Variants in RPTOR observed in about 807,000 individuals in gnomAD.
RPTOR encodes regulatory-associated protein of mTOR.
A neutral mutation model predicts 169.9 loss-of-function variants in RPTOR; 21 were observed. That is an observed-to-expected ratio of 0.12 (90% CI 0.09 to 0.18). The LOEUF (loss-of-function observed/expected upper bound fraction) is 0.18. RPTOR is among the 10% of genes least tolerant of loss of function. The pLI is 1.00. For synonymous variants in RPTOR, 732 were observed against 753.2 expected, an observed-to-expected ratio of 0.97 and a Z score of 0.46; for missense variants, 1,133 against 1,855.9, an observed-to-expected ratio of 0.61 and a Z score of 7.16.
chr17:80,773,807 CT>C, intron 6 of RPTOR: 1 of 985,276 alleles, frequency 1.0e-6, no homozygotes, highest in Non-Finnish European at 1.2e-6. Flanking sequence ...GCAAACTGTT[CT>C]TTCTGGAAGA....
At chr17:80,908,691 C>G in intron 20 of RPTOR, 120 bp from the exon 21 acceptor site, 1 of 709,726 alleles carries the variant, frequency 1.4e-6, no homozygotes, top group Non-Finnish European at 2.5e-6. Flanking sequence ...CTTCCTGTAA[C>G]CTCGGCTCTT....
chr17:80,863,385 C>G (rs539971029), intron 13 of RPTOR, among the ~76,000 whole-genome samples: 1 of 152,048 alleles, frequency 6.6e-6, no homozygotes. Flanking sequence ...AAATATGACC[C>G]GTAATGAAGA....
intron 21 of RPTOR, among the ~76,000 whole-genome samples, chr17:80,919,182 T>TA (rs1401862556): frequency 6.6e-6 from 1 of 152,220 alleles, no homozygotes; most frequent in African/African-American, 2.4e-5. Flanking sequence ...ACCTAGGACT[T>TA]ACTTTTCCAA....
intron 1 of RPTOR, among the ~76,000 whole-genome samples, chr17:80,563,706 A>G (rs2084533121): frequency 6.6e-6 from 1 of 152,096 alleles, no homozygotes; most frequent in South Asian, 2.1e-4. Flanking sequence ...GTCCCTAAGC[A>G]ACTATGTTGC....
intron 20 of RPTOR, among the ~76,000 whole-genome samples, chr17:80,899,411 T>A (rs60717259): frequency 0.012 from 1,801 of 152,282 alleles, 45 homozygotes; most frequent in African/African-American, 0.041. Context: ...TATTTAAAAA[T>A]TTTTTTTTAA....
intron 7 of RPTOR, among the ~76,000 whole-genome samples, chr17:80,821,338 G>A (rs905723571): frequency 2.0e-5 from 3 of 152,178 alleles, no homozygotes; most frequent in Non-Finnish European, 4.4e-5. Flanking sequence ...TGATGAAGAC[G>A]GTGCCATCAG....
chr17:80,930,244 GCTCAGC>G, intron 24 of RPTOR, among the ~76,000 whole-genome samples: 1 of 20,598 alleles, frequency 4.9e-5, no homozygotes, highest in Non-Finnish European at 1.0e-4. Flanking sequence ...CTCATCCTCA[GCTCAGC>G]TCATCCCCAG....
intron 3 of RPTOR, among the ~76,000 whole-genome samples, chr17:80,654,294 G>A (rs893215856): frequency 6.6e-6 from 1 of 152,272 alleles, no homozygotes; most frequent in African/African-American, 2.4e-5. Context: ...CACAACAGAG[G>A]AGCCATGGAG....
chr17:80,784,689 G>A (rs559189484), intron 6 of RPTOR, among the ~76,000 whole-genome samples: 2 of 144,144 alleles, frequency 1.4e-5, no homozygotes, highest in African/African-American at 2.6e-5. Context: ...CACTGTGCCC[G>A]GCCTATTTTA....
intron 1 of RPTOR, among the ~76,000 whole-genome samples, chr17:80,596,877 AG>A (rs1255998437): frequency 6.6e-6 from 1 of 152,144 alleles, no homozygotes; most frequent in African/African-American, 2.4e-5. Context: ...CTCTTAAAAG[AG>A]GATTTAGATC....
rs931547740 is a variant in RPTOR at position 80,646,033 on chromosome 17, A to C, written c.348+2223A>C. Reference sequence around the variant, plus strand: ...TGTTAAGATTACAGGATGCTTCGGAAAAGGTACCAGCGCAGGCGGGATCCC... The same window carrying C: ...TGTTAAGATTACAGGATGCTTCGGACAAGGTACCAGCGCAGGCGGGATCCC... On this transcript the variant is annotated intron_variant, in intron 3 of 33. Transcript: ENST00000306801. This position sits in a 1 kb window ranked among gnomAD's most constrained non-coding sequence, Gnocchi z 5.0. Among the ~76,000 whole-genome samples the C allele has an allele frequency of 6.6e-6, 1 of 152,178 alleles. No individual in the cohort carries two copies. Among genetic ancestry groups the C allele is most frequent in the African/African-American group, 2.4e-5 (1 of 41,434 alleles).
At position 80,812,235 on chromosome 17, in the gene RPTOR, T is replaced by G. The variant is rs1416161654; in HGVS notation, c.891-9966T>G. On this transcript the variant is annotated intron_variant, in intron 7 of 33. Coordinates refer to ENST00000306801, the MANE Select transcript of RPTOR (RefSeq NM_020761.3). Reference sequence around the variant, plus strand: ...CCTTATACATATTAAGTAAGATGATTGTCAAGTCTGTGCCTGGCGGCTCCA... The same window carrying G: ...CCTTATACATATTAAGTAAGATGATGGTCAAGTCTGTGCCTGGCGGCTCCA... 2.0e-5 allele frequency among the ~76,000 whole-genome samples: 3 copies of G among 152,262 alleles called. No individual in the cohort carries two copies. In the East Asian group the frequency reaches 5.8e-4, roughly 29 times the overall value.
In RPTOR at chr17:80,823,418, A is replaced by G. The variant is rs1176655502; in HGVS notation, c.1136+195A>G. ...GGAGTGGGGGTCTCCTTCAGAGGGC[A>G]GAAGCCTTGGAGGGCCTTTTAGGAC... On this transcript the variant is annotated intron_variant, in intron 9 of 33. Coordinates refer to ENST00000306801, the MANE Select transcript of RPTOR (RefSeq NM_020761.3). This position sits in a 1 kb window ranked among gnomAD's most constrained non-coding sequence, Gnocchi z 4.5. 1 of 679,660 alleles carries G rather than the reference A, an allele frequency of 1.5e-6. No homozygotes were observed. Among genetic ancestry groups the G allele is most frequent in the South Asian group, 2.3e-5 (1 of 44,432 alleles). The allele number at this position is 679,660 out of a possible 1,614,324, so 42.1% of individuals were successfully genotyped here.
intron 11 of RPTOR, among the ~76,000 whole-genome samples, chr17:80,846,782 G>T (rs918480878): frequency 1.3e-5 from 2 of 152,232 alleles, no homozygotes; most frequent in South Asian, 2.1e-4. Context: ...TGGGCTGATC[G>T]CACATTCATT....
chr17:80,860,323 A>G lies in RPTOR; in HGVS notation c.1509+2423A>G, dbSNP rs2067903898. On this transcript the variant is annotated intron_variant, in intron 13 of 33. Transcript: ENST00000306801. The surrounding 1 kb of genome is among the most constrained non-coding windows in gnomAD (Gnocchi z 5.8). ...TGTCCAGGCACTGGCAGGCACCCCG[A>G]GCCACAGGCTCGTACCCCGCACTGT... 6.6e-6 allele frequency among the ~76,000 whole-genome samples: 1 copy of G among 152,202 alleles called. No homozygotes were observed. Among genetic ancestry groups the G allele is most frequent in the South Asian group, 2.1e-4 (1 of 4,838 alleles).
chr17:80,785,280 A>G (rs1476777756), intron 6 of RPTOR, among the ~76,000 whole-genome samples: 2 of 152,230 alleles, frequency 1.3e-5, no homozygotes, highest in Non-Finnish European at 2.9e-5. Context: ...GCTAAAAATG[A>G]GCAGGGATAT....
At position 80,730,764 on chromosome 17, in the gene RPTOR, T is replaced by TGGGGGGGGGG; in HGVS notation, c.654+62_654+63insGGGGGGGGGG. Reference sequence around the variant, plus strand: ...GGTTTGGTTTTGTTTTCCCTGGGGGTGGGGTTTGGGTGGGGAGGTTGGGAG... The same window carrying TGGGGGGGGGG: ...GGTTTGGTTTTGTTTTCCCTGGGGGTGGGGGGGGGGGGGGTTTGGGTGGGGAGGTTGGGAG... On this transcript the variant is annotated intron_variant, in intron 5 of 33. Coordinates refer to ENST00000306801, the MANE Select transcript of RPTOR (RefSeq NM_020761.3). This position sits in a 1 kb window ranked among gnomAD's most constrained non-coding sequence, Gnocchi z 4.2. 1 of 453,324 alleles carries TGGGGGGGGGG rather than the reference T, an allele frequency of 2.2e-6. No homozygotes were observed. The highest frequency in any genetic ancestry group is 4.1e-6 in the Non-Finnish European group (1 of 242,124). 28.1% of individuals were successfully genotyped at this position (453,324 alleles called of 1,614,324 possible).
intron 13 of RPTOR, among the ~76,000 whole-genome samples, chr17:80,864,498 G>A (rs895985387): frequency 1.4e-4 from 21 of 147,452 alleles, no homozygotes; most frequent in Admixed American, 4.3e-4. Flanking sequence ...AGCAGAGAGA[G>A]AGACAGAGAA....
chr17:80,619,298 T>C (rs1326286191), intron 1 of RPTOR, among the ~76,000 whole-genome samples: 2 of 152,132 alleles, frequency 1.3e-5, no homozygotes, highest in Non-Finnish European at 2.9e-5. Context: ...CTGCTGAACA[T>C]GTTTAATTTC....
Sources: allele counts gnomAD v4.1 joint callset (sites outside exome capture counted in the v4.1 genomes callset), GRCh38; gene constraint gnomAD v4.1.1; non-coding constraint Gnocchi (gnomAD v3.1); transcripts MANE v1.5; gene names NCBI Gene and HGNC (gene_info 2026-07-23, HGNC 2026-07-21).